Variants in ACSM1 observed in about 807,000 individuals in gnomAD.
ACSM1 encodes acyl-coenzyme A synthetase ACSM1, mitochondrial.
A neutral mutation model predicts 75.8 loss-of-function variants in ACSM1; 79 were observed. The ratio of observed to expected loss-of-function variants is 1.04; its 90% CI spans 0.87 to 1.26. The LOEUF (loss-of-function observed/expected upper bound fraction) is 1.26. ACSM1 is among the 50% of genes most tolerant of loss of function. The pLI is 0.00. For synonymous variants in ACSM1, 279 were observed against 265.8 expected (o/e 1.05, Z -0.48); for missense variants, 676 against 720.1 (o/e 0.94, Z 0.70).
At chr16:20,636,672 C>T in intron 10 of ACSM1, 67 bp downstream of exon 10, 1 of 1,134,720 alleles carries the variant, frequency 8.8e-7, no homozygotes, top group Non-Finnish European at 1.3e-6. Flanking sequence ...CTTGAAGAAG[C>T]CTCAGGATGC....
intron 7 of ACSM1, among the ~76,000 whole-genome samples, chr16:20,657,755 C>T (rs1445988349): frequency 6.6e-6 from 1 of 151,170 alleles, no homozygotes; most frequent in South Asian, 2.1e-4. Flanking sequence ...TATCCCTCCC[C>T]CCTCCCGCCA....
chr16:20,681,138 A>C (rs1426940408), intron 4 of ACSM1: 1 of 152,212 alleles, frequency 6.6e-6, no homozygotes, highest in Non-Finnish European at 1.5e-5. Flanking sequence ...ACCCCAATCT[A>C]TATGCTCAAC....
intron 7 of ACSM1, 136 bp from the exon 8 acceptor site, chr16:20,640,720 T>C (rs2018005460): frequency 7.0e-7 from 1 of 1,428,750 alleles, no homozygotes; most frequent in African/African-American, 1.4e-5. Flanking sequence ...ATTTTACAGT[T>C]GGCCATGGCC....
intron 7 of ACSM1, among the ~76,000 whole-genome samples, chr16:20,655,984 T>G (rs1198483359): frequency 6.6e-6 from 1 of 152,268 alleles, no homozygotes; most frequent in South Asian, 2.1e-4. Context: ...TGCAAGAAGT[T>G]TTTAAATTTT....
At chr16:20,652,793 G>C (rs1319728526) in intron 7 of ACSM1, among the ~76,000 whole-genome samples, 6 of 152,178 alleles carry the variant, frequency 3.9e-5, no homozygotes, top group African/African-American at 1.4e-4. Flanking sequence ...CCCAGGACCA[G>C]ATAGATTCAC....
intron 7 of ACSM1, 50 bp from the exon 8 acceptor site, chr16:20,640,634 G>A: frequency 6.2e-7 from 1 of 1,612,226 alleles, no homozygotes. Context: ...CTGGCTCTGT[G>A]CATTCAGAGC....
chr16:20,629,169 A>G (rs1417009617), intron 10 of ACSM1, among the ~76,000 whole-genome samples: 2 of 152,142 alleles, frequency 1.3e-5, no homozygotes, highest in Non-Finnish European at 2.9e-5. Flanking sequence ...TTTTAAGCCT[A>G]TAGTTATGGT....
chr16:20,623,423 G>T lies in ACSM1; in HGVS notation c.*63C>A. The T allele has an allele frequency of 6.9e-7, 1 of 1,451,906 alleles. No homozygotes were observed. Among genetic ancestry groups the T allele is most frequent in the South Asian group, 1.1e-5 (1 of 87,070 alleles). The allele number at this position is 1,451,906 out of a possible 1,614,324, so 89.9% of individuals were successfully genotyped here. Reference sequence around the variant, plus strand: ...GCCCCACCCTCGTCCTCACCATAGTGGGGAGACTAAAGTGGCCAGGGATTT... The same window carrying T: ...GCCCCACCCTCGTCCTCACCATAGTTGGGAGACTAAAGTGGCCAGGGATTT... On this transcript the variant is annotated 3_prime_UTR_variant, in exon 14 of 14. Coordinates refer to ENST00000520010, the MANE Select transcript of ACSM1 (RefSeq NM_001318890.3).
At chr16:20,641,054 G>T (rs894169949) in intron 7 of ACSM1, among the ~76,000 whole-genome samples, 2 of 152,194 alleles carry the variant, frequency 1.3e-5, no homozygotes, top group African/African-American at 2.4e-5. Context: ...GGGAATGCAT[G>T]TTAGGGATTG....
intron 1 of ACSM1, among the ~76,000 whole-genome samples, chr16:20,695,601 CTATT>C (rs1013685939): frequency 1.3e-5 from 2 of 152,056 alleles, no homozygotes; most frequent in African/African-American, 2.4e-5. Flanking sequence ...TATCTATCAT[CTATT>C]TATCTATCTA....
At chr16:20,695,554 G>GTCTGTCTA (rs2079684971) in intron 1 of ACSM1, among the ~76,000 whole-genome samples, 1 of 151,240 alleles carries the variant, frequency 6.6e-6, no homozygotes, top group African/African-American at 2.4e-5. Context: ...CTGATTATCT[G>GTCTGTCTA]TCTATCTATC....
intron 5 of ACSM1, 69 bp from the exon 6 acceptor site, chr16:20,670,055 G>T: frequency 6.6e-7 from 1 of 1,520,770 alleles, no homozygotes; most frequent in Non-Finnish European, 9.0e-7. Context: ...GTGCACTCTG[G>T]TTTTTAGCTA....
At chr16:20,627,858 C>G (rs1393696860) in intron 10 of ACSM1, among the ~76,000 whole-genome samples, 1 of 70,822 alleles carries the variant, frequency 1.4e-5, no homozygotes. Context: ...CTCTCTCTCT[C>G]TGTATGTATA....
chr16:20,695,018 T>C (rs1027793639), intron 1 of ACSM1, among the ~76,000 whole-genome samples: 2 of 152,216 alleles, frequency 1.3e-5, no homozygotes, highest in Admixed American at 1.3e-4. Flanking sequence ...CAGTCATTAG[T>C]AATTTTCATG....
chr16:20,673,222 A>G (rs2020066838), intron 4 of ACSM1, among the ~76,000 whole-genome samples: 1 of 151,592 alleles, frequency 6.6e-6, no homozygotes, highest in Non-Finnish European at 1.5e-5. Context: ...GTTTCTCAGG[A>G]GCTTCCCCTG....
intron 10 of ACSM1, among the ~76,000 whole-genome samples, chr16:20,633,067 T>C (rs1208970602): frequency 6.6e-6 from 1 of 152,188 alleles, no homozygotes; most frequent in Non-Finnish European, 1.5e-5. Context: ...TTATTCTCAA[T>C]GGTGAAAGTT....
chr16:20,662,028 C>T (rs2019327715), intron 6 of ACSM1, among the ~76,000 whole-genome samples, 155 bp from the exon 7 acceptor site: 1 of 152,194 alleles, frequency 6.6e-6, no homozygotes, highest in Admixed American at 6.6e-5. Flanking sequence ...GGATTTCATA[C>T]ATGGTATGCA....
chr16:20,682,367 G>T lies in ACSM1; in HGVS notation c.500C>A (p.Ala167Asp), dbSNP rs777389169. The change falls in exon 4 of 14, where the codon GCC becomes GAC. Residue 167 changes from alanine to aspartate, a missense_variant. Coordinates refer to ENST00000520010, the MANE Select transcript of ACSM1 (RefSeq NM_001318890.3). ...SKAKGIVTID[A>D]LASEVDSIAS... Reference sequence around the variant, plus strand: ...TATGGAGTCCACCTCTGAGGCAAGGGCATCTATGGTCACAATGCCCTTGGC... The same window carrying T: ...TATGGAGTCCACCTCTGAGGCAAGGTCATCTATGGTCACAATGCCCTTGGC... 18 of 1,614,020 alleles carry T rather than the reference G, an allele frequency of 1.1e-5. No individual in the cohort carries two copies. The East Asian group carries it at 3.8e-4, about 34-fold the overall frequency.
intron 4 of ACSM1, among the ~76,000 whole-genome samples, chr16:20,677,878 G>A (rs201097543): frequency 6.6e-6 from 1 of 152,018 alleles, no homozygotes; most frequent in Non-Finnish European, 1.5e-5. Context: ...GAAAAAAAAG[G>A]CTTTTAACTG....
Sources: gnomAD v4.1 joint callset for allele counts (sites outside exome capture counted in the v4.1 genomes callset) on GRCh38, gnomAD v4.1.1 for gene constraint, MANE v1.5 for transcripts, NCBI Gene and HGNC (gene_info 2026-07-23, HGNC 2026-07-21) for gene names.